ZNF292: variants seen among roughly 807,000 people sequenced by gnomAD.
ZNF292 encodes the protein 16 zinc-finger domain protein.
ZNF292 carries 26 observed loss-of-function variants against 217.9 expected under a neutral mutation model. The observed-to-expected ratio is 0.12, with a 90% CI of 0.09 to 0.17. The LOEUF (loss-of-function observed/expected upper bound fraction) is 0.17. Ranked by LOEUF, ZNF292 falls within the 10% of genes least tolerant of loss-of-function variation. ZNF292 has a pLI of 1.00. For synonymous variants in ZNF292, 1,257 were observed against 1,124.1 expected (o/e 1.12, Z -2.37); for missense variants, 2,904 against 3,175.2 (o/e 0.91, Z 2.05).
chr6:87,246,163 G>A (rs1404168538), intron 7 of ZNF292, among the ~76,000 whole-genome samples: 3 of 152,148 alleles, frequency 2.0e-5, no homozygotes, highest in Non-Finnish European at 4.4e-5. Flanking sequence ...CCTGGGAGGC[G>A]GAGATTGCAG....
chr6:87,252,360 C>T (rs929886668), intron 7 of ZNF292, among the ~76,000 whole-genome samples: 1 of 152,072 alleles, frequency 6.6e-6, no homozygotes, highest in Admixed American at 6.5e-5. Flanking sequence ...ATCATGTTGG[C>T]CAGGCTGGTC....
intron 4 of ZNF292, among the ~76,000 whole-genome samples, chr6:87,226,855 T>C (rs1773380833): frequency 6.6e-6 from 1 of 151,754 alleles, no homozygotes; most frequent in African/African-American, 2.4e-5. Context: ...ATTTTTTATA[T>C]TTTTAGTGGA....
chr6:87,229,580 C>T (rs1009852271), intron 4 of ZNF292, among the ~76,000 whole-genome samples: 1 of 152,170 alleles, frequency 6.6e-6, no homozygotes, highest in Non-Finnish European at 1.5e-5. Context: ...GCATGCGCCT[C>T]CACGCCCAGC....
chr6:87,219,782 G>T (rs76254988), intron 4 of ZNF292, among the ~76,000 whole-genome samples: 1 of 152,104 alleles, frequency 6.6e-6, no homozygotes, highest in African/African-American at 2.4e-5. Flanking sequence ...CAGTGTTCTC[G>T]AGACCTTGGA....
At chr6:87,245,745 A>G in intron 7 of ZNF292, 101 bp downstream of exon 7, 1 of 774,524 alleles carries the variant, frequency 1.3e-6, no homozygotes, top group Non-Finnish European at 1.9e-6. Flanking sequence ...GTGATTTTTA[A>G]ATTTTTTCAG....
In ZNF292 at chr6:87,257,348, C is replaced by T. The variant is rs1371255189; in HGVS notation, c.3719C>T (p.Pro1240Leu). ...QMENLPSTAL[P>L]AQMEDLTKTV... ...GAAAATTTACCTAGTACTGCCTTGC[C>T]AGCACAAATGGAAGATCTAACCAAA... Residue 1240 changes from proline (P) to leucine (L), a missense_variant, in exon 8 of 8, where the codon CCA becomes CTA. This residue lies in a region of ZNF292 where 687 missense variants were observed against 623.0 expected (regional missense o/e 1.10). Coordinates refer to ENST00000369577, the MANE Select transcript of ZNF292 (RefSeq NM_015021.3). The T allele has an allele frequency of 2.5e-6, 4 of 1,613,540 alleles. No homozygotes were observed. The African/African-American group carries it at 5.3e-5, about 22-fold the overall frequency.
chr6:87,167,931 A>C, intron 1 of ZNF292, among the ~76,000 whole-genome samples: 1 of 152,218 alleles, frequency 6.6e-6, no homozygotes, highest in Non-Finnish European at 1.5e-5. Flanking sequence ...AAGGACTCTT[A>C]GTGAAGCTTC....
intron 1 of ZNF292, among the ~76,000 whole-genome samples, chr6:87,161,757 T>C (rs1460246267): frequency 2.0e-5 from 3 of 152,186 alleles, no homozygotes; most frequent in Non-Finnish European, 4.4e-5. Context: ...TGTTTTAAAT[T>C]GAAAATGTAC....
Position 87,265,867 on chromosome 6 carries a change from G to A in ZNF292, c.*4066G>A, listed in dbSNP as rs945013344. Among the ~76,000 whole-genome samples the A allele has an allele frequency of 6.6e-6, 1 of 152,082 alleles. No individual in the cohort carries two copies. Among genetic ancestry groups the A allele is most frequent in the Non-Finnish European group, 1.5e-5 (1 of 68,022 alleles). On this transcript the variant is annotated 3_prime_UTR_variant, in exon 8 of 8. Coordinates refer to ENST00000369577, the MANE Select transcript of ZNF292 (RefSeq NM_015021.3). Reference sequence around the variant, plus strand: ...GTTGTTAATGTTTTGAATATTACCCGGTATTCAAGTAATGCTCATTGAATT... The same window carrying A: ...GTTGTTAATGTTTTGAATATTACCCAGTATTCAAGTAATGCTCATTGAATT...
At chr6:87,213,333 A>G (rs893495186) in intron 1 of ZNF292, among the ~76,000 whole-genome samples, 2 of 152,236 alleles carry the variant, frequency 1.3e-5, no homozygotes, top group African/African-American at 4.8e-5. Context: ...TTTCACAGAA[A>G]GGCAATTTTT....
rs748454258 is a variant in ZNF292, at chr6:87,261,224, G to C, written c.7595G>C (p.Arg2532Thr). The C allele has an allele frequency of 2.5e-6, 4 of 1,610,348 alleles. No homozygotes were observed. The change falls in exon 8 of 8, where the codon AGA becomes ACA. Residue 2532 changes from arginine (R) to threonine (T), a missense_variant. Arg to Thr is a moderately conservative substitution (Grantham distance 71, BLOSUM62 -1). Coordinates refer to ENST00000369577, the MANE Select transcript of ZNF292 (RefSeq NM_015021.3). ...SERQKASNLKRVNKEKNVSQN... is the reference protein window; with the variant it reads ...SERQKASNLKTVNKEKNVSQN... ...AGACAAAAAGCAAGTAATTTGAAGA[G>C]AGTTAATAAGGAAAAAAATGTCTCA...
At chr6:87,243,343 T>A in intron 5 of ZNF292, 132 bp from the exon 6 acceptor site, 1 of 656,472 alleles carries the variant, frequency 1.5e-6, no homozygotes, top group East Asian at 3.4e-5. Flanking sequence ...TATAACTGAC[T>A]TGATAGTGTA....
At chr6:87,182,247 G>C (rs1214559325) in intron 1 of ZNF292, among the ~76,000 whole-genome samples, 1 of 152,210 alleles carries the variant, frequency 6.6e-6, no homozygotes, top group Non-Finnish European at 1.5e-5. Context: ...TGAGCTGAGA[G>C]AATGGAATAA....
chr6:87,178,667 A>G (rs141227257), intron 1 of ZNF292, among the ~76,000 whole-genome samples: 391 of 152,336 alleles, frequency 2.6e-3, no homozygotes, highest in African/African-American at 8.6e-3. Flanking sequence ...ATCCCTGTTT[A>G]TTTATGAGAC....
intron 4 of ZNF292, among the ~76,000 whole-genome samples, chr6:87,221,007 C>T (rs780867230): frequency 7.9e-5 from 12 of 152,078 alleles, no homozygotes; most frequent in Non-Finnish European, 1.5e-4. Context: ...TATACTCATT[C>T]GTTTGTTTAT....
Position 87,238,523 on chromosome 6 carries a change from A to G in ZNF292, c.742-4952A>G, listed in dbSNP as rs181206847. 1.2e-3 allele frequency among the ~76,000 whole-genome samples: 189 copies of G among 151,290 alleles called. 1 individual carries two copies. Among genetic ancestry groups the G allele is most frequent in the Middle Eastern group, 0.01 (3 of 292 alleles). On this transcript the variant is annotated intron_variant, in intron 5 of 7. Coordinates refer to ENST00000369577, the MANE Select transcript of ZNF292 (RefSeq NM_015021.3). Reference sequence around the variant, plus strand: ...AAAGTAAGCTAATGATAGTAATAACATTGGGGAAGTAAATTTCTTGCCTTA... The same window carrying G: ...AAAGTAAGCTAATGATAGTAATAACGTTGGGGAAGTAAATTTCTTGCCTTA...
Position 87,155,666 on chromosome 6 carries a change from G to A in ZNF292, c.75G>A (p.Leu25=), listed in dbSNP as rs1473482056. ...GCTGCGTCGCGGAGCTGCAGCGCCT[G>A]GGCGAGCGGCTCCAGGAGCTGGAGC... ...EGGCVAELQR[L]GERLQELELQ... is the part of the protein sequence containing the mutation. The change falls in exon 1 of 8, where the codon CTG becomes CTA. Residue 25 remains leucine, a synonymous_variant. Transcript: ENST00000369577. 1 of 1,586,116 alleles carries A rather than the reference G, an allele frequency of 6.3e-7. No individual in the cohort carries two copies. The highest frequency in any genetic ancestry group is 2.0e-4 in the Middle Eastern group (1 of 4,958).
At chr6:87,244,809 C>T (rs1199884958) in intron 6 of ZNF292, among the ~76,000 whole-genome samples, 1 of 151,796 alleles carries the variant, frequency 6.6e-6, no homozygotes, top group Admixed American at 6.6e-5. Flanking sequence ...GTTTAAAAAT[C>T]ATGTCATTGA....
chr6:87,248,956 T>C (rs1774750375), intron 7 of ZNF292, among the ~76,000 whole-genome samples: 1 of 152,210 alleles, frequency 6.6e-6, no homozygotes, highest in African/African-American at 2.4e-5. Context: ...CTAGTGGCAA[T>C]CCTACTGGAC....
Sources: gnomAD v4.1 joint callset for allele counts (sites outside exome capture counted in the v4.1 genomes callset) on GRCh38, gnomAD v4.1.1 for gene constraint, gnomAD v4.1.1 regional missense constraint, MANE v1.5 for transcripts, NCBI Gene and HGNC (gene_info 2026-07-23, HGNC 2026-07-21) for gene names.